SDK1: variants seen among roughly 807,000 people sequenced by gnomAD.
The protein encoded by SDK1 is sidekick cell adhesion molecule 1.
SDK1 carries 157 observed loss-of-function variants against 245.5 expected under a neutral mutation model. That is an observed-to-expected ratio of 0.64 (90% CI 0.56 to 0.73). The LOEUF (loss-of-function observed/expected upper bound fraction) is 0.73. SDK1 is among the 30% of genes least tolerant of loss of function. The pLI, the probability that SDK1 is intolerant of heterozygous loss-of-function variation, is 0.00. For synonymous variants in SDK1, 1,647 were observed against 1,278.5 expected (o/e 1.29, Z -6.15); for missense variants, 3,583 against 3,002.3 (o/e 1.19, Z -4.52).
At chr7:3,506,319 AT>A (rs1202369115) in intron 1 of SDK1, among the ~76,000 whole-genome samples, 1 of 152,086 alleles carries the variant, frequency 6.6e-6, no homozygotes, top group African/African-American at 2.4e-5. Context: ...CTTCTGGCTT[AT>A]ATTGTGTCTG....
intron 4 of SDK1, among the ~76,000 whole-genome samples, chr7:3,718,212 A>G (rs549180101): frequency 6.6e-6 from 1 of 152,286 alleles, no homozygotes; most frequent in African/African-American, 2.4e-5. Flanking sequence ...ATAAAATCCA[A>G]CACTCAGCTG....
intron 35 of SDK1, among the ~76,000 whole-genome samples, chr7:4,188,384 C>T (rs1337868823): frequency 6.6e-6 from 1 of 152,148 alleles, no homozygotes; most frequent in Non-Finnish European, 1.5e-5. Flanking sequence ...TCAAGGTTGT[C>T]TCCACGGCTT....
At chr7:4,116,619 CT>C (rs1374947810) in intron 25 of SDK1, among the ~76,000 whole-genome samples, 1 of 152,254 alleles carries the variant, frequency 6.6e-6, no homozygotes, top group Non-Finnish European at 1.5e-5. Context: ...TGCTGGTTAA[CT>C]TTCAGCCACC....
At chr7:3,628,524 C>G (rs768653183) in intron 2 of SDK1, among the ~76,000 whole-genome samples, 1 of 152,054 alleles carries the variant, frequency 6.6e-6, no homozygotes, top group Non-Finnish European at 1.5e-5. Flanking sequence ...TTCTTTGGGG[C>G]TACTAGAGAC....
At chr7:4,120,277 C>T (rs1783973025) in intron 25 of SDK1, among the ~76,000 whole-genome samples, 1 of 148,906 alleles carries the variant, frequency 6.7e-6, no homozygotes, top group Admixed American at 6.7e-5. Flanking sequence ...TGAAGAAACA[C>T]CAATCCCGAG....
At chr7:3,614,714 A>T (rs974778968) in intron 1 of SDK1, among the ~76,000 whole-genome samples, 1 of 152,192 alleles carries the variant, frequency 6.6e-6, no homozygotes, top group African/African-American at 2.4e-5. Flanking sequence ...GAGAAGTGCT[A>T]TTCCCCACCT....
intron 1 of SDK1, among the ~76,000 whole-genome samples, chr7:3,509,061 A>T (rs1208643970): frequency 6.7e-6 from 1 of 148,240 alleles, no homozygotes; most frequent in African/African-American, 2.5e-5. Context: ...AGCCTAAGGA[A>T]GGTGGGGTGT....
At chr7:3,690,707 C>A (rs927073799) in intron 4 of SDK1, among the ~76,000 whole-genome samples, 1 of 152,142 alleles carries the variant, frequency 6.6e-6, no homozygotes, top group South Asian at 2.1e-4. Flanking sequence ...TTAATCTTAA[C>A]CCCCGTAACA....
intron 38 of SDK1, among the ~76,000 whole-genome samples, chr7:4,214,919 A>G (rs1484443511): frequency 3.9e-5 from 6 of 152,216 alleles, no homozygotes; most frequent in Non-Finnish European, 5.9e-5. Context: ...GATGAGCCTG[A>G]GTCTGGCTAT....
chr7:3,310,410 C>T (rs1384307171), intron 1 of SDK1, among the ~76,000 whole-genome samples: 1 of 152,138 alleles, frequency 6.6e-6, no homozygotes, highest in Non-Finnish European at 1.5e-5. Flanking sequence ...GAGAAAGTAG[C>T]AGCTTGGGCT....
At chr7:3,663,398 T>C (rs1171194110) in intron 4 of SDK1, among the ~76,000 whole-genome samples, 2 of 152,186 alleles carry the variant, frequency 1.3e-5, no homozygotes, top group Non-Finnish European at 2.9e-5. Flanking sequence ...AAATGAAATA[T>C]ATAGGGAAGT....
At chr7:3,635,021 T>G (rs905344399) in intron 2 of SDK1, among the ~76,000 whole-genome samples, 1 of 152,222 alleles carries the variant, frequency 6.6e-6, no homozygotes, top group African/African-American at 2.4e-5. Context: ...CAATTACTTG[T>G]GCTATTTCTT....
chr7:3,523,160 A>C (rs1184501184), intron 1 of SDK1, among the ~76,000 whole-genome samples: 1 of 152,236 alleles, frequency 6.6e-6, no homozygotes, highest in Non-Finnish European at 1.5e-5. Flanking sequence ...TTGAAGGAGC[A>C]AAATCTCATG....
At chr7:3,319,999 G>T (rs76052540) in intron 1 of SDK1, among the ~76,000 whole-genome samples, 2,440 of 150,826 alleles carry the variant, frequency 0.016, 61 homozygotes, top group African/African-American at 0.049. Flanking sequence ...TTGCCAAATA[G>T]AATTGCCTGG....
Position 4,161,794 on chromosome 7 carries a change from G to C in SDK1, c.4738G>C (p.Glu1580Gln), listed in dbSNP as rs1305981023. The stretch of plus-strand genomic sequence containing the variant: ...TCTCCTGTGTGTTTCAGTTCCAGGA[G>C]AGCCCCCGGGATCTGTCTCAGCGAC... ...AVTTLQDVPG[E>Q]PPGSVSATPH... Residue 1580 changes from glutamate (E) to glutamine (Q), a missense_variant, in exon 32 of 45, where the codon GAG (glutamate) becomes CAG (glutamine). Physicochemically the swap from Glu to Gln is conservative, Grantham distance 29 (BLOSUM62 2). Transcript: ENST00000404826. 1 of 1,614,086 alleles carries C rather than the reference G, an allele frequency of 6.2e-7. No individual in the cohort carries two copies. Among genetic ancestry groups the C allele is most frequent in the South Asian group, 1.1e-5 (1 of 91,076 alleles).
At position 4,151,241 on chromosome 7, in the gene SDK1, C is replaced by G. The variant is rs374004851; in HGVS notation, c.4625+1778C>G. 2.6e-5 allele frequency among the ~76,000 whole-genome samples: 4 copies of G among 152,284 alleles called. No homozygotes were observed. The South Asian group carries it at 6.2e-4, about 24-fold the overall frequency. On this transcript the variant is annotated intron_variant, in intron 30 of 44. Transcript: ENST00000404826. ...GACCACAGACCAGCAAGGAAGCCAG[C>G]GCCCCAGTGCACAGCTCCAGCTCTC...
intron 22 of SDK1, among the ~76,000 whole-genome samples, chr7:4,091,530 A>C (rs959767006): frequency 9.2e-5 from 14 of 151,526 alleles, no homozygotes; most frequent in Non-Finnish European, 1.6e-4. Flanking sequence ...TTTGGTAGAG[A>C]TGGGGTTTTA....
intron 18 of SDK1, 36 bp from the exon 19 acceptor site, chr7:4,051,602 A>T: frequency 6.3e-7 from 1 of 1,580,758 alleles, no homozygotes; most frequent in Non-Finnish European, 8.6e-7. Flanking sequence ...AATGCCATTG[A>T]AAACAGGCTG....
rs58431507 is a variant in SDK1, at chr7:3,599,090, C to CT, written c.299-19965dup. The stretch of plus-strand genomic sequence containing the variant: ...CACCAGCAATGTGGGACTAATCCAC[C>CT]TTTTTTTTTTTTTTTTTTTTTTTTT... On this transcript the variant is annotated intron_variant, in intron 1 of 44. Coordinates refer to ENST00000404826, the MANE Select transcript of SDK1 (RefSeq NM_152744.4). Among the ~76,000 whole-genome samples the CT allele has an allele frequency of 3.9e-3, 313 of 80,522 alleles. 2 individuals carry two copies. Among genetic ancestry groups the CT allele is most frequent in the East Asian group, 8.5e-3 (26 of 3,044 alleles). 52.8% of individuals were successfully genotyped at this position (80,522 alleles called of 152,430 possible).
Sources: gnomAD v4.1 joint callset for allele counts (sites outside exome capture counted in the v4.1 genomes callset) on GRCh38, gnomAD v4.1.1 for gene constraint, MANE v1.5 for transcripts, NCBI Gene and HGNC (gene_info 2026-07-23, HGNC 2026-07-21) for gene names.